The following NSUN3 variants were observed in gnomAD, a reference collection of about 807,000 sequenced individuals.
The protein encoded by NSUN3 is NOP2/Sun RNA methyltransferase 3, also known as tRNA (cytosine(34)-C(5))-methyltransferase, mitochondrial.
In NSUN3, 24 loss-of-function variants were observed where a neutral mutation model predicts 36.8. The observed-to-expected ratio is 0.65, with a 90% confidence interval of 0.47 to 0.92. NSUN3 has a LOEUF of 0.92. NSUN3 is among the 40% of genes least tolerant of loss of function. The pLI is 0.00. For synonymous variants in NSUN3, 146 were observed against 145.2 expected, an observed-to-expected ratio of 1.01 and a Z score of -0.04; for missense variants, 381 against 392.8, an observed-to-expected ratio of 0.97 and a Z score of 0.25.
At chr3:94,116,626 A>T (rs2077441228) in intron 5 of NSUN3, among the ~76,000 whole-genome samples, 1 of 152,218 alleles carries the variant, frequency 6.6e-6, no homozygotes, top group Non-Finnish European at 1.5e-5. Flanking sequence ...GTGGTTAACT[A>T]GTTTTATCAT....
chr3:94,063,837 G>C (rs554342374), intron 1 of NSUN3: 18 of 150,808 alleles, frequency 1.2e-4, no homozygotes, highest in African/African-American at 4.2e-4. Context: ...ATGTTTTCCA[G>C]TCTGGTCTTG....
intron 5 of NSUN3, among the ~76,000 whole-genome samples, chr3:94,099,859 C>G (rs1469211039): frequency 6.6e-6 from 1 of 151,844 alleles, no homozygotes; most frequent in East Asian, 1.9e-4. Context: ...TATTTTATCA[C>G]TATCTCACTA....
Position 94,094,301 on chromosome 3 carries a change from T to G in NSUN3, c.621+7T>G. 6.2e-7 allele frequency: 1 copy of G among 1,609,330 alleles called. No individual in the cohort carries two copies. Among genetic ancestry groups the G allele is most frequent in the East Asian group, 2.2e-5 (1 of 44,804 alleles). On this transcript the variant is annotated splice_region_variant and intron_variant, in intron 4 of 5. Coordinates refer to ENST00000314622, the MANE Select transcript of NSUN3 (RefSeq NM_022072.5). ...GCCTGAAATGTTTGACAAGGTACTT[T>G]TATTACATTGTGACAAACTGATGGA...
chr3:94,100,717 C>CA (rs1186166087), intron 5 of NSUN3, among the ~76,000 whole-genome samples: 2 of 152,146 alleles, frequency 1.3e-5, no homozygotes, highest in Non-Finnish European at 2.9e-5. Context: ...ACCAAGATAT[C>CA]ACATTATACT....
chr3:94,081,663 ATGT>A (rs1266421109), intron 2 of NSUN3: 9 of 152,220 alleles, frequency 5.9e-5, no homozygotes, highest in African/African-American at 1.4e-4. Flanking sequence ...ACAAAAGCTA[ATGT>A]TGTTCCTGAA....
rs945187128 is a variant in NSUN3, at chr3:94,094,118, C to T, written c.467-22C>T. 6.2e-5 allele frequency: 95 copies of T among 1,535,858 alleles called. No individual in the cohort carries two copies. In the East Asian group the frequency reaches 2.2e-3, roughly 36 times the overall value. ...ACAGTTCCATTGCCTTCATTTGAAACTTTTTAATCCTTTTTATTTAGGTTA... is the reference window on the plus strand; with the variant it reads ...ACAGTTCCATTGCCTTCATTTGAAATTTTTTAATCCTTTTTATTTAGGTTA... On this transcript the variant is annotated intron_variant, in intron 3 of 5. Coordinates refer to ENST00000314622, the MANE Select transcript of NSUN3 (RefSeq NM_022072.5).
chr3:94,109,907 A>G (rs1046658371), intron 5 of NSUN3, among the ~76,000 whole-genome samples: 9 of 152,202 alleles, frequency 5.9e-5, no homozygotes, highest in Non-Finnish European at 5.9e-5. Context: ...TGTTCCCTTC[A>G]TCAAAAGCAG....
At chr3:94,095,984 C>T (rs767968551) in intron 5 of NSUN3, among the ~76,000 whole-genome samples, 1 of 147,792 alleles carries the variant, frequency 6.8e-6, no homozygotes, top group Non-Finnish European at 1.5e-5. Context: ...TGGTCTTGAA[C>T]TCCTGACCTC....
At chr3:94,069,338 G>T (rs2077216558) in intron 2 of NSUN3, among the ~76,000 whole-genome samples, 2 of 152,168 alleles carry the variant, frequency 1.3e-5, no homozygotes, top group African/African-American at 2.4e-5. Flanking sequence ...AAAATAAAAT[G>T]ACTCAAAAAC....
intron 5 of NSUN3, among the ~76,000 whole-genome samples, chr3:94,116,356 A>C (rs1283483262): frequency 6.6e-6 from 1 of 152,210 alleles, no homozygotes; most frequent in Admixed American, 6.5e-5. Flanking sequence ...GCCTTTAAAA[A>C]ATACGTTTAT....
At chr3:94,085,899 G>A (rs1397661543) in intron 3 of NSUN3, among the ~76,000 whole-genome samples, 1 of 151,212 alleles carries the variant, frequency 6.6e-6, no homozygotes, top group East Asian at 1.9e-4. Context: ...TAATTTTGTT[G>A]AAAGCAAATG....
At chr3:94,121,697 C>T (rs1177357205) in intron 5 of NSUN3, among the ~76,000 whole-genome samples, 4 of 152,092 alleles carry the variant, frequency 2.6e-5, no homozygotes, top group Admixed American at 2.0e-4. Flanking sequence ...TGAGAAGACC[C>T]TCAGTGGTAG....
intron 5 of NSUN3, among the ~76,000 whole-genome samples, chr3:94,103,305 A>G (rs1437467804): frequency 6.6e-6 from 1 of 152,126 alleles, no homozygotes; most frequent in Admixed American, 6.6e-5. Flanking sequence ...AAGACCTATA[A>G]TAGAGAGAAC....
intron 3 of NSUN3, among the ~76,000 whole-genome samples, chr3:94,087,644 G>A (rs1237118625): frequency 6.6e-6 from 1 of 152,142 alleles, no homozygotes; most frequent in African/African-American, 2.4e-5. Context: ...GTCCCTCTAG[G>A]CATGAAAATC....
chr3:94,094,226 A>G lies in NSUN3; in HGVS notation c.553A>G (p.Asn185Asp). Reference sequence around the variant, plus strand: ...ATCTTTCATCCCACAGCCTTTGATAAATGTAATTAAAGTGTCTGAATTGGA... The same window carrying G: ...ATCTTTCATCCCACAGCCTTTGATAGATGTAATTAAAGTGTCTGAATTGGA... Reference protein sequence around the residue: ...LESFIPQPLINVIKVSELDGR... With the variant: ...LESFIPQPLIDVIKVSELDGR... Residue 185 changes from asparagine (N) to aspartate (D), a missense_variant, in exon 4 of 6, where the codon AAT becomes GAT. Physicochemically the swap from Asn to Asp is conservative, Grantham distance 23. Coordinates refer to ENST00000314622, the MANE Select transcript of NSUN3 (RefSeq NM_022072.5). 6.2e-7 allele frequency: 1 copy of G among 1,613,818 alleles called. No homozygotes were observed. Among genetic ancestry groups the G allele is most frequent in the East Asian group, 2.2e-5 (1 of 44,852 alleles).
chr3:94,087,374 C>T (rs976762274), intron 3 of NSUN3, among the ~76,000 whole-genome samples: 6 of 152,124 alleles, frequency 3.9e-5, no homozygotes, highest in Non-Finnish European at 8.8e-5. Flanking sequence ...CCAAGAGGCT[C>T]ATGGCTTTGA....
At chr3:94,099,993 G>A (rs974084079) in intron 5 of NSUN3, among the ~76,000 whole-genome samples, 6 of 152,076 alleles carry the variant, frequency 3.9e-5, no homozygotes, top group African/African-American at 1.4e-4. Context: ...TAAAATGCAG[G>A]CATGCAAGAG....
At chr3:94,100,229 A>G (rs538692160) in intron 5 of NSUN3, among the ~76,000 whole-genome samples, 44 of 152,336 alleles carry the variant, frequency 2.9e-4, no homozygotes, top group Admixed American at 5.9e-4. Context: ...CTAGACTTGT[A>G]TGTACATTGT....
chr3:94,091,135 C>A (rs537842120), intron 3 of NSUN3, among the ~76,000 whole-genome samples: 1 of 151,972 alleles, frequency 6.6e-6, no homozygotes, highest in African/African-American at 2.4e-5. Context: ...AAGTATGCTT[C>A]GAAATCATTA....
Sources: allele counts gnomAD v4.1 joint callset (sites outside exome capture counted in the v4.1 genomes callset), GRCh38; gene constraint gnomAD v4.1.1; transcripts MANE v1.5; gene names NCBI Gene and HGNC (gene_info 2026-07-23, HGNC 2026-07-21).